Variants in ZNF766 observed in about 807,000 individuals in gnomAD.
The protein encoded by ZNF766 is zinc finger protein 766.
A neutral mutation model predicts 13.2 loss-of-function variants in ZNF766; 13 were observed. The ratio of observed to expected loss-of-function variants is 0.98; its 90% CI spans 0.64 to 1.56. The LOEUF is 1.56. ZNF766 is among the 40% of genes most tolerant of loss of function. ZNF766 has a pLI of 0.00. For synonymous variants in ZNF766, 178 were observed against 187.6 expected (o/e 0.95, Z 0.42); for missense variants, 521 against 552.2 (o/e 0.94, Z 0.57).
intron 1 of ZNF766, 124 bp downstream of exon 1, chr19:52,269,755 T>A: frequency 2.3e-6 from 3 of 1,279,356 alleles, no homozygotes; most frequent in Non-Finnish European, 3.2e-6. Context: ...CCGAGTAAAT[T>A]CATGCGTCCC....
At chr19:52,269,957 T>A (rs1363651233) in intron 1 of ZNF766, among the ~76,000 whole-genome samples, 1 of 152,136 alleles carries the variant, frequency 6.6e-6, no homozygotes, top group East Asian at 1.9e-4. Flanking sequence ...CTCGTCCTTG[T>A]CGGCCCCTGG....
intron 1 of ZNF766, among the ~76,000 whole-genome samples, chr19:52,276,840 AG>A (rs1981226018): frequency 6.6e-6 from 1 of 152,136 alleles, no homozygotes; most frequent in Non-Finnish European, 1.5e-5. Context: ...CAAAGAGGTG[AG>A]GGGGTGCTGT....
intron 3 of ZNF766, among the ~76,000 whole-genome samples, chr19:52,283,830 C>T (rs890315511): frequency 2.0e-5 from 3 of 152,152 alleles, no homozygotes; most frequent in South Asian, 2.1e-4. Flanking sequence ...CTCCGCCTCC[C>T]GGGTACAAGT....
intron 1 of ZNF766, among the ~76,000 whole-genome samples, chr19:52,271,989 A>AC (rs1271362999): frequency 6.6e-6 from 1 of 151,394 alleles, no homozygotes; most frequent in East Asian, 1.9e-4. Context: ...TCAAAAAAAA[A>AC]AAAAAAAAAA....
Position 52,290,302 on chromosome 19 carries a change from T to A in ZNF766, c.511T>A (p.Phe171Ile). The change falls in exon 4 of 4, where the codon TTT (phenylalanine) becomes ATT (isoleucine). Residue 171 changes from phenylalanine (F) to isoleucine (I), a missense_variant. Transcript: ENST00000439461. ...TAAACATAGGAATGATTTTGTTGAT[T>A]TTCCATTGCTGTCACAAGAACAGAA... ...FNKHRNDFVD[F>I]PLLSQEQKAH... The A allele has an allele frequency of 6.2e-7, 1 of 1,613,754 alleles. No individual in the cohort carries two copies. Among genetic ancestry groups the A allele is most frequent in the Non-Finnish European group, 8.5e-7 (1 of 1,179,764 alleles).
intron 1 of ZNF766, among the ~76,000 whole-genome samples, chr19:52,270,710 T>C (rs1199696994): frequency 1.3e-5 from 2 of 151,544 alleles, no homozygotes; most frequent in African/African-American, 4.9e-5. Context: ...GGCAGAAATA[T>C]ATGGAGATTG....
chr19:52,279,832 T>G, intron 1 of ZNF766, among the ~76,000 whole-genome samples: 1 of 147,044 alleles, frequency 6.8e-6, no homozygotes, highest in African/African-American at 2.5e-5. Context: ...GTCTCACTCT[T>G]TTGCCTAGGC....
chr19:52,291,975 G>C lies in ZNF766; in HGVS notation c.*777G>C. 1.8e-6 allele frequency: 1 copy of C among 565,700 alleles called. No individual in the cohort carries two copies. Among genetic ancestry groups the C allele is most frequent in the South Asian group, 2.3e-5 (1 of 42,886 alleles). 35.0% of individuals were successfully genotyped at this position (565,700 alleles called of 1,614,324 possible). On this transcript the variant is annotated 3_prime_UTR_variant, in exon 4 of 4. Transcript: ENST00000439461. ...TAGTTCCAGCTACTCAAGAGGCCGAGGCAAGAGGATTGCTCAAGCCCAGGA... is the reference window on the plus strand; with the variant it reads ...TAGTTCCAGCTACTCAAGAGGCCGACGCAAGAGGATTGCTCAAGCCCAGGA...
At chr19:52,280,545 A>G (rs2122474982) in intron 1 of ZNF766, among the ~76,000 whole-genome samples, 1 of 152,188 alleles carries the variant, frequency 6.6e-6, no homozygotes, top group South Asian at 2.1e-4. Context: ...TTAAGCTACA[A>G]CATCATTTTA....
rs773754782 is a variant in ZNF766, at chr19:52,290,335, A to G, written c.544A>G (p.Ile182Val). 6.2e-7 allele frequency: 1 copy of G among 1,614,148 alleles called. No homozygotes were observed. The highest frequency in any genetic ancestry group is 1.1e-5 in the South Asian group (1 of 91,086). The change falls in exon 4 of 4, where the codon ATT becomes GTT. Residue 182 changes from isoleucine (I) to valine (V), a missense_variant. Coordinates refer to ENST00000439461, the MANE Select transcript of ZNF766 (RefSeq NM_001010851.3). ...PLLSQEQKAH[I>V]RRKPYECNEQ... The stretch of plus-strand genomic sequence containing the variant: ...GCTGTCACAAGAACAGAAAGCACAC[A>G]TTAGGAGAAAACCTTACGAATGTAA...
At chr19:52,278,456 T>C (rs1352063048) in intron 1 of ZNF766, among the ~76,000 whole-genome samples, 7 of 152,030 alleles carry the variant, frequency 4.6e-5, no homozygotes, top group Non-Finnish European at 1.0e-4. Flanking sequence ...CAGGCTGGAG[T>C]GCAATGGTGT....
chr19:52,278,843 T>C (rs899186107), intron 1 of ZNF766, among the ~76,000 whole-genome samples: 15 of 152,256 alleles, frequency 9.9e-5, no homozygotes, highest in African/African-American at 3.6e-4. Flanking sequence ...ACTCCGTTGA[T>C]AGTTTCTTTT....
chr19:52,279,000 A>C (rs1981350967), intron 1 of ZNF766, among the ~76,000 whole-genome samples: 1 of 152,054 alleles, frequency 6.6e-6, no homozygotes, highest in Admixed American at 6.5e-5. Context: ...AGGTTTTTAT[A>C]GTTTGGGGTT....
intron 1 of ZNF766, among the ~76,000 whole-genome samples, chr19:52,275,914 C>T (rs1196988529): frequency 3.3e-5 from 5 of 152,176 alleles, no homozygotes; most frequent in Non-Finnish European, 4.4e-5. Flanking sequence ...CTCCTGACCT[C>T]AGATGATCCA....
rs867661123 is a variant in ZNF766 at position 52,295,095 on chromosome 19, G to A, written c.*3897G>A. 1 of 150,968 alleles carries A rather than the reference G, an allele frequency of 6.6e-6. No homozygotes were observed. The highest frequency in any genetic ancestry group is 6.6e-5 in the Admixed American group (1 of 15,166). The allele number at this position is 150,968 out of a possible 1,614,324, so 9.4% of individuals were successfully genotyped here. A position where few individuals can be genotyped will look rare whatever the true frequency, so the allele number is the denominator to read the frequency against. ...TTCAACTCTAATAAAATTATATTTT[G>A]TGTTTATATATGCACGTATAGACAC... is the stretch of plus-strand genomic sequence containing the variant. On this transcript the variant is annotated 3_prime_UTR_variant, in exon 4 of 4. Coordinates refer to ENST00000439461, the MANE Select transcript of ZNF766 (RefSeq NM_001010851.3).
Position 52,290,961 on chromosome 19 carries a change from AGT to A in ZNF766, c.1171_1172del (p.Val391LeufsTer23). ...CTTATAAATGTCATGAATGTGGCAAAGTCTTCACTCAAGTTTCACATCTTGCA... is the reference window on the plus strand; with the variant it reads ...CTTATAAATGTCATGAATGTGGCAAACTTCACTCAAGTTTCACATCTTGCA... ...KPYKCHECGKVFTQVSHLARH... is the reference protein window; with the variant it reads ...KPYKCHECGKXFTQVSHLARH... On this transcript the variant is annotated frameshift_variant, in exon 4 of 4. Coordinates refer to ENST00000439461, the MANE Select transcript of ZNF766 (RefSeq NM_001010851.3). LOFTEE classifies it low-confidence loss of function (END_TRUNC). The A allele has an allele frequency of 1.2e-6, 2 of 1,614,110 alleles. No homozygotes were observed. Among genetic ancestry groups the A allele is most frequent in the South Asian group, 2.2e-5 (2 of 91,070 alleles).
chr19:52,290,103 G>A lies in ZNF766; in HGVS notation c.312G>A (p.Lys104=), dbSNP rs748031031. 6 of 1,613,670 alleles carry A rather than the reference G, an allele frequency of 3.7e-6. No homozygotes were observed. In the African/African-American group the frequency reaches 8.0e-5, roughly 22 times the overall value. The change falls in exon 4 of 4, where the codon AAG becomes AAA. Residue 104 remains lysine (K), a synonymous_variant. Transcript: ENST00000439461. ...CAGTGAGAAGCAAAGCAGGAAACAA[G>A]CCTATTACAAATCAACTTGGATTAA... ...SCAVRSKAGN[K]PITNQLGLTF...
At position 52,279,789 on chromosome 19, in the gene ZNF766, CTTTTTTTTTTTTT is replaced by C. The variant is rs984101828; in HGVS notation, c.19-2310_19-2298del. Among the ~76,000 whole-genome samples, 5 of 64,878 alleles carry C rather than the reference CTTTTTTTTTTTTT, an allele frequency of 7.7e-5. No homozygotes were observed. The East Asian group carries it at 2.0e-3, about 26-fold the overall frequency. The allele number at this position is 64,878 out of a possible 152,430, so 42.6% of individuals were successfully genotyped here. A position where few individuals can be genotyped will look rare whatever the true frequency, so the allele number is the denominator to read the frequency against. On this transcript the variant is annotated intron_variant, in intron 1 of 3. Coordinates refer to ENST00000439461, the MANE Select transcript of ZNF766 (RefSeq NM_001010851.3). ...TTTTTTTTTTCATGATTTACCTTTT[CTTTTTTTTTTTTT>C]TTTTTTTTTTTGAGACGGAGTCTCA...
chr19:52,278,379 G>A (rs1237760531), intron 1 of ZNF766, among the ~76,000 whole-genome samples: 1 of 152,070 alleles, frequency 6.6e-6, no homozygotes, highest in Non-Finnish European at 1.5e-5. Flanking sequence ...TTTGAGAGGT[G>A]TCTGTTCATG....
Sources: gnomAD v4.1 joint callset for allele counts (sites outside exome capture counted in the v4.1 genomes callset) on GRCh38, gnomAD v4.1.1 for gene constraint, MANE v1.5 for transcripts, NCBI Gene and HGNC (gene_info 2026-07-23, HGNC 2026-07-21) for gene names.